NOC4L: variants seen among roughly 807,000 people sequenced by gnomAD.
NOC4L encodes the protein nucleolar complex associated 4 homolog, also known as nucleolar complex protein 4 homolog.
NOC4L carries 40 observed loss-of-function variants against 62.8 expected under a neutral mutation model. That is an observed-to-expected ratio of 0.64 (90% confidence interval 0.49 to 0.83). The LOEUF (loss-of-function observed/expected upper bound fraction) is 0.83, where lower values mean the gene tolerates loss of function less well. NOC4L is among the 40% of genes least tolerant of loss of function. NOC4L has a pLI of 0.00. For synonymous variants in NOC4L, 433 were observed against 299.8 expected (o/e 1.44, Z -4.59); for missense variants, 927 against 701.9 (o/e 1.32, Z -3.62).
chr12:132,151,450 C>G lies in NOC4L; in HGVS notation c.1074-34C>G, dbSNP rs757639124. The G allele has an allele frequency of 1.4e-5, 23 of 1,599,862 alleles. No individual in the cohort carries two copies. In the Admixed American group the frequency reaches 3.7e-4, roughly 26 times the overall value. Reference sequence around the variant, plus strand: ...GGGGAGGGTGGTGGGGGCTAGCAGTCCGGGCCCTGTCTCACAACCACTGCC... The same window carrying G: ...GGGGAGGGTGGTGGGGGCTAGCAGTGCGGGCCCTGTCTCACAACCACTGCC... On this transcript the variant is annotated intron_variant, in intron 11 of 14. Transcript: ENST00000330579.
At position 132,152,463 on chromosome 12, in the gene NOC4L, G is replaced by T. The variant is rs1441533378; in HGVS notation, c.*62G>T. ...AGCCCACCTGTGAATAAATGTTTTT[G>T]CAGGAGAAAGGCTCAGGGAGTGTGG... On this transcript the variant is annotated 3_prime_UTR_variant, in exon 15 of 15. Transcript: ENST00000330579. 6 of 1,498,988 alleles carry T rather than the reference G, an allele frequency of 4.0e-6. No homozygotes were observed. The African/African-American group carries it at 6.9e-5, about 17-fold the overall frequency. 92.9% of individuals were successfully genotyped at this position (1,498,988 alleles called of 1,614,324 possible).
chr12:132,151,979 C>A, intron 13 of NOC4L, 105 bp from the exon 14 acceptor site: 1 of 1,280,752 alleles, frequency 7.8e-7, no homozygotes, highest in Non-Finnish European at 1.1e-6. Flanking sequence ...TCACGTGGCT[C>A]CGTCCCGACC....
chr12:132,148,737 G>GGCCCC, intron 8 of NOC4L, 47 bp from the exon 9 acceptor site: 1 of 1,181,232 alleles, frequency 8.5e-7, no homozygotes, highest in Non-Finnish European at 1.1e-6. Context: ...CGACCCGCCG[G>GGCCCC]CCCCCGCCCA....
At chr12:132,144,670 C>T in intron 1 of NOC4L, 65 bp downstream of exon 1, 6 of 1,408,520 alleles carry the variant, frequency 4.3e-6, no homozygotes, top group Non-Finnish European at 5.6e-6. Flanking sequence ...TGGGGGGCTG[C>T]GGCGGCAGGT....
In NOC4L at chr12:132,152,068, G is replaced by A. The variant is rs181204569; in HGVS notation, c.1318-16G>A. On this transcript the variant is annotated splice_polypyrimidine_tract_variant and intron_variant, in intron 13 of 14. Transcript: ENST00000330579. The stretch of plus-strand genomic sequence containing the variant: ...GGGCCTGGGGCAGCTGCCTCTTAAC[G>A]GCCCTACTGCCCCAGGCCCTCCAGC... The A allele has an allele frequency of 3.6e-5, 57 of 1,569,440 alleles. No homozygotes were observed. The Middle Eastern group carries it at 1.5e-3, about 40-fold the overall frequency.
chr12:132,151,224 G>C lies in NOC4L; in HGVS notation c.963-34G>C, dbSNP rs772672713. 3.8e-6 allele frequency: 6 copies of C among 1,574,720 alleles called. No individual in the cohort carries two copies. In the South Asian group the frequency reaches 6.6e-5, roughly 17 times the overall value. On this transcript the variant is annotated intron_variant, in intron 10 of 14. Coordinates refer to ENST00000330579, the MANE Select transcript of NOC4L (RefSeq NM_024078.3). ...TTGGAGGCCTCAGTTCCCGGGCCCTGCTCCATCCGCTGCTCCTTCCCCCCG... is the reference window on the plus strand; with the variant it reads ...TTGGAGGCCTCAGTTCCCGGGCCCTCCTCCATCCGCTGCTCCTTCCCCCCG...
rs550210073 is a variant in NOC4L at position 132,152,168 on chromosome 12, G to A, written c.1402G>A (p.Ala468Thr). The change falls in exon 14 of 15, where the codon GCG becomes ACG. Residue 468 changes from alanine (A) to threonine (T), a missense_variant. Ala to Thr is a moderately conservative substitution (Grantham distance 58, BLOSUM62 0). Transcript: ENST00000330579. ...CCTGTCCATGCCTGAGGTCAGCATC[G>A]CGCCACTGCTGGAGCTCACGGCCTA... ...QALSMPEVSI[A>T]PLLELTAYEI... The A allele has an allele frequency of 4.3e-5, 70 of 1,612,194 alleles. No homozygotes were observed. In the East Asian group the frequency reaches 6.7e-4, roughly 15 times the overall value.
intron 7 of NOC4L, 95 bp from the exon 8 acceptor site, chr12:132,148,514 G>A: frequency 2.2e-6 from 3 of 1,374,636 alleles, no homozygotes; most frequent in Middle Eastern, 1.8e-4. Context: ...GCAGGCTTGT[G>A]TTGGCTCAGG....
At chr12:132,148,735 C>CCCCCCGGGGGGGGGGGGGGGGGG in intron 8 of NOC4L, 49 bp from the exon 9 acceptor site, 1 of 1,309,290 alleles carries the variant, frequency 7.6e-7, no homozygotes, top group Non-Finnish European at 1.0e-6. Flanking sequence ...CCCGACCCGC[C>CCCCCCGGGGGGGGGGGGGGGGGG]GGCCCCCGCC....
At position 132,147,885 on chromosome 12, in the gene NOC4L, C is replaced by T. The variant is rs1015895989; in HGVS notation, c.609C>T (p.Pro203=). The change falls in exon 6 of 15, where the codon CCC becomes CCT. Residue 203 remains proline (P), a synonymous_variant. Coordinates refer to ENST00000330579, the MANE Select transcript of NOC4L (RefSeq NM_024078.3). ...ACTCAGGCCAGGCTCCGCAGGTGCC[C>T]CCCGCCTTTTGGAACAATGCCTTCA... ...ARVTGQHPEV[P]PAFWNNAFTL... 2.5e-6 allele frequency: 4 copies of T among 1,609,144 alleles called. No homozygotes were observed. The highest frequency in any genetic ancestry group is 1.1e-5 in the South Asian group (1 of 90,924).
At chr12:132,151,442 C>T (rs765273316) in intron 11 of NOC4L, 42 bp from the exon 12 acceptor site, 4 of 1,600,356 alleles carry the variant, frequency 2.5e-6, no homozygotes, top group East Asian at 2.2e-5. Flanking sequence ...GTGGTGGGGG[C>T]TAGCAGTCCG....
rs1309853368 is a variant in NOC4L, at chr12:132,148,641, C to G, written c.771C>G (p.Leu257=). The change falls in exon 8 of 15, where the codon CTC becomes CTG. Residue 257 remains leucine, a synonymous_variant. Coordinates refer to ENST00000330579, the MANE Select transcript of NOC4L (RefSeq NM_024078.3). ...EHRRVFQAMW[L]SFLKHKLPLS... Reference sequence around the variant, plus strand: ...GGAGGGTTTTCCAGGCCATGTGGCTCAGCTTCCTCAAGCACAAGGTAGGGG... The same window carrying G: ...GGAGGGTTTTCCAGGCCATGTGGCTGAGCTTCCTCAAGCACAAGGTAGGGG... 3.2e-6 allele frequency: 5 copies of G among 1,546,580 alleles called. No homozygotes were observed. The highest frequency in any genetic ancestry group is 4.4e-6 in the Non-Finnish European group (5 of 1,145,294).
In NOC4L at chr12:132,145,625, G is replaced by T. The variant is rs577947175; in HGVS notation, c.305G>T (p.Arg102Leu). 7 of 1,613,540 alleles carry T rather than the reference G, an allele frequency of 4.3e-6. No individual in the cohort carries two copies. In the South Asian group the frequency reaches 6.6e-5, roughly 15 times the overall value. Reference sequence around the variant, plus strand: ...CACCGCTATCACAGCTGCTGCAATCGCTTGGGAGAGCTCCTGGGCCACCCC... The same window carrying T: ...CACCGCTATCACAGCTGCTGCAATCTCTTGGGAGAGCTCCTGGGCCACCCC... ...MRHRYHSCCN[R>L]LGELLGHPSF... The change falls in exon 3 of 15, where the codon CGC (arginine) becomes CTC (leucine). Residue 102 changes from arginine (R) to leucine (L), a missense_variant. Transcript: ENST00000330579.
intron 13 of NOC4L, 36 bp from the exon 14 acceptor site, chr12:132,152,048 T>A: frequency 6.9e-7 from 1 of 1,451,188 alleles, no homozygotes; most frequent in Non-Finnish European, 9.3e-7. Context: ...GGCGGGGGCC[T>A]GGGGCAGCTG....
rs1435021425 is a variant in NOC4L, at chr12:132,151,000, G to A, written c.921G>A (p.Leu307=). 6.2e-7 allele frequency: 1 copy of A among 1,610,784 alleles called. No individual in the cohort carries two copies. Among genetic ancestry groups the A allele is most frequent in the Non-Finnish European group, 8.5e-7 (1 of 1,178,984 alleles). ...ACDLGGALSL[L]ALNGLFILIH... ...CTGCAGGGGGGGCCCTCAGCCTCTT[G>A]GCCTTGAACGGGCTGTTCATCTTGA... The change falls in exon 10 of 15, where the codon TTG becomes TTA. Residue 307 remains leucine, a synonymous_variant. Transcript: ENST00000330579.
intron 3 of NOC4L, chr12:132,146,214 T>G (rs1314368595): frequency 4.4e-6 from 2 of 455,476 alleles, no homozygotes; most frequent in Non-Finnish European, 8.8e-6. Flanking sequence ...GGTTACTTCC[T>G]GGATCAATGG....
rs1241975698 is a variant in NOC4L, at chr12:132,147,683, G to A, written c.504G>A (p.Leu168=). 6.2e-7 allele frequency: 1 copy of A among 1,612,952 alleles called. No individual in the cohort carries two copies. Among genetic ancestry groups the A allele is most frequent in the Admixed American group, 1.7e-5 (1 of 60,026 alleles). ...LSPEEDQSLL[L]SQFREYLDYD... ...CTGAGGAGGACCAGAGCCTGCTCCT[G>A]TCCCAGTTCCGGGAGTACCTGGACT... is the stretch of plus-strand genomic sequence containing the variant. Residue 168 remains leucine, a synonymous_variant, in exon 5 of 15, where the codon CTG becomes CTA. Transcript: ENST00000330579.
intron 5 of NOC4L, 34 bp from the exon 6 acceptor site, chr12:132,147,846 G>T: frequency 1.2e-6 from 2 of 1,610,010 alleles, no homozygotes. Flanking sequence ...GGGACTGGGG[G>T]GCGGCGTCCA....
At chr12:132,147,415 A>G (rs1261149968) in intron 4 of NOC4L, 27 bp downstream of exon 4, 9 of 1,525,584 alleles carry the variant, frequency 5.9e-6, no homozygotes, top group African/African-American at 1.4e-5. Flanking sequence ...GGACTCCCAG[A>G]GGGCCTGGCT....
Sources: gnomAD v4.1 joint callset for allele counts on GRCh38, gnomAD v4.1.1 for gene constraint, MANE v1.5 for transcripts, NCBI Gene and HGNC (gene_info 2026-07-23, HGNC 2026-07-21) for gene names.